The following FBXL6 variants were observed in gnomAD, a reference collection of about 807,000 sequenced individuals.
The protein encoded by FBXL6 is F-box/LRR-repeat protein 6.
A neutral mutation model predicts 53.3 loss-of-function variants in FBXL6; 50 were observed. The ratio of observed to expected loss-of-function variants is 0.94; its 90% CI spans 0.75 to 1.19. The LOEUF is 1.19. FBXL6 is among the 50% of genes most tolerant of loss of function. FBXL6 has a pLI of 0.00. For synonymous variants in FBXL6, 405 were observed against 322.9 expected, an observed-to-expected ratio of 1.25 and a Z score of -2.73; for missense variants, 815 against 719.0, an observed-to-expected ratio of 1.13 and a Z score of -1.53.
Position 144,356,221 on chromosome 8 carries a change from T to A in FBXL6, c.1226-7A>T, listed in dbSNP as rs781881506. Reference sequence around the variant, plus strand: ...AGATGAAGCTGCTCCAGCTCTGCAGTGAAAGGAGTGAGCATAAGCTACAAG... The same window carrying A: ...AGATGAAGCTGCTCCAGCTCTGCAGAGAAAGGAGTGAGCATAAGCTACAAG... On this transcript the variant is annotated splice_region_variant and splice_polypyrimidine_tract_variant and intron_variant, in intron 7 of 8. Transcript: ENST00000331890. 9 of 1,264,790 alleles carry A rather than the reference T, an allele frequency of 7.1e-6. No homozygotes were observed. The highest frequency in any genetic ancestry group is 2.6e-5 in the Admixed American group (1 of 37,764). 78.3% of individuals were successfully genotyped at this position (1,264,790 alleles called of 1,614,324 possible). A position where few individuals can be genotyped will look rare whatever the true frequency, so the allele number is the denominator to read the frequency against.
In FBXL6 at chr8:144,357,981, A is replaced by G. The variant is rs1554853329; in HGVS notation, c.416+51T>C. On this transcript the variant is annotated intron_variant, in intron 1 of 8. Transcript: ENST00000331890. The stretch of plus-strand genomic sequence containing the variant: ...CCCCGCCCGGGCCACCGCTCGGACC[A>G]CGTCTGGCCCAAGCCGCTACGCTCG... 2.6e-6 allele frequency: 4 copies of G among 1,541,026 alleles called. No homozygotes were observed. In the Admixed American group the frequency reaches 6.1e-5, roughly 24 times the overall value.
chr8:144,355,858 G>C, intron 8 of FBXL6, 110 bp downstream of exon 8: 2 of 1,552,738 alleles, frequency 1.3e-6, no homozygotes, highest in South Asian at 2.4e-5. Context: ...CAGTATGCAT[G>C]CCCCTCTGAC....
chr8:144,357,558 C>A, intron 2 of FBXL6, 56 bp from the exon 3 acceptor site: 1 of 1,612,018 alleles, frequency 6.2e-7, no homozygotes, highest in Non-Finnish European at 8.5e-7. Flanking sequence ...GTCCTTCCCA[C>A]CCAACACCTT....
intron 6 of FBXL6, 21 bp downstream of exon 6, chr8:144,356,579 G>C (rs782789666): frequency 1.2e-6 from 2 of 1,612,730 alleles, no homozygotes; most frequent in Non-Finnish European, 1.7e-6. Flanking sequence ...TGACAGGTGG[G>C]AGAGGCAGGG....
intron 1 of FBXL6, 27 bp from the exon 2 acceptor site, chr8:144,357,813 C>T (rs1554853279): frequency 1.3e-6 from 2 of 1,492,094 alleles, no homozygotes; most frequent in South Asian, 1.3e-5. Context: ...CTGAGGGTGC[C>T]GGCCCCTCCG....
At position 144,355,954 on chromosome 8, in the gene FBXL6, T is replaced by C. The variant is rs782311664; in HGVS notation, c.1472+14A>G. 3 of 1,609,442 alleles carry C rather than the reference T, an allele frequency of 1.9e-6. No individual in the cohort carries two copies. Among genetic ancestry groups the C allele is most frequent in the Non-Finnish European group, 2.5e-6 (3 of 1,177,644 alleles). On this transcript the variant is annotated intron_variant, in intron 8 of 8. Coordinates refer to ENST00000331890, the MANE Select transcript of FBXL6 (RefSeq NM_012162.4). ...GCCACACTGGCTCCAGGGACTGGGG[T>C]AGGGGATGCTGACCTGACAGTGCTT...
At position 144,358,462 on chromosome 8, in the gene FBXL6, C is replaced by T. The variant is rs183286864; in HGVS notation, c.-15G>A. The stretch of plus-strand genomic sequence containing the variant: ...GGGGCAGCCATGACCACCGACGGCG[C>T]TCGGGGAAGCCCCAGGGAGCGGAAC... On this transcript the variant is annotated 5_prime_UTR_variant, in exon 1 of 9. Coordinates refer to ENST00000331890, the MANE Select transcript of FBXL6 (RefSeq NM_012162.4). 5,218 of 1,236,728 alleles carry T rather than the reference C, an allele frequency of 4.2e-3. 104 individuals carry two copies. The African/African-American group carries it at 0.053, about 13-fold the overall frequency. 76.6% of individuals were successfully genotyped at this position (1,236,728 alleles called of 1,614,324 possible).
chr8:144,355,639 G>A lies in FBXL6; in HGVS notation c.1512C>T (p.Asn504=), dbSNP rs1011236482. 2 of 1,610,916 alleles carry A rather than the reference G, an allele frequency of 1.2e-6. No homozygotes were observed. Among genetic ancestry groups the A allele is most frequent in the African/African-American group, 1.3e-5 (1 of 74,854 alleles). Residue 504 remains asparagine, a synonymous_variant, in exon 9 of 9, where the codon AAC becomes AAT. Transcript: ENST00000331890. ...GGGGAAGGCAGCGGCAGGACTCCAGGTTGAGGTAGAGCAGGCCCGGGCAGC... is the reference window on the plus strand; with the variant it reads ...GGGGAAGGCAGCGGCAGGACTCCAGATTGAGGTAGAGCAGGCCCGGGCAGC... ...ISGCPGLLYL[N]LESCRCLPRG...
rs1554853339 is a variant in FBXL6 at position 144,358,017 on chromosome 8, CG to C, written c.416+14del. 2 of 1,582,096 alleles carry C rather than the reference CG, an allele frequency of 1.3e-6. No individual in the cohort carries two copies. Among genetic ancestry groups the C allele is most frequent in the Non-Finnish European group, 1.7e-6 (2 of 1,171,446 alleles). On this transcript the variant is annotated intron_variant, in intron 1 of 8. Transcript: ENST00000331890. ...AAGCCGCTACGCTCGGCGGCGGGCC[CG>C]GCACCAGCGTTACCTGCCCAGGAAG... is the stretch of plus-strand genomic sequence containing the variant.
chr8:144,355,917 G>A (rs782720536), intron 8 of FBXL6, 51 bp downstream of exon 8: 1 of 1,602,560 alleles, frequency 6.2e-7, no homozygotes, highest in Non-Finnish European at 8.5e-7. Context: ...GCCCCAGGCA[G>A]ACACAGTGAC....
In FBXL6 at chr8:144,356,022, G is replaced by A. The variant is rs1818388398; in HGVS notation, c.1418C>T (p.Pro473Leu). ...CCTGAGGTTAAGAGAGCACAGGGCT[G>A]GGTGTGAGCCCCCAGGGGTGCTTAA... is the stretch of plus-strand genomic sequence containing the variant. Reference protein sequence around the residue: ...AFLSTPGGSHPALCSLNLRGT... With the variant: ...AFLSTPGGSHLALCSLNLRGT... The change falls in exon 8 of 9, where the codon CCA becomes CTA. Residue 473 changes from proline to leucine, a missense_variant. Coordinates refer to ENST00000331890, the MANE Select transcript of FBXL6 (RefSeq NM_012162.4). 6.2e-7 allele frequency: 1 copy of A among 1,613,118 alleles called. No homozygotes were observed. The highest frequency in any genetic ancestry group is 1.7e-5 in the Admixed American group (1 of 60,030).
chr8:144,357,911 G>A, intron 1 of FBXL6, 121 bp downstream of exon 1: 1 of 1,441,692 alleles, frequency 6.9e-7, no homozygotes, highest in South Asian at 1.5e-5. Flanking sequence ...AAGGGGCTGC[G>A]CTCTCGGACT....
chr8:144,356,605 G>A lies in FBXL6; in HGVS notation c.988C>T (p.Leu330Phe). The change falls in exon 6 of 9, where the codon CTC becomes TTC. Residue 330 changes from leucine (L) to phenylalanine (F), a missense_variant. Transcript: ENST00000331890. The part of the protein sequence containing the change: ...VEALQKGCPQ[L>F]QVLRLLNLMW... ...AGAGGCAGGGCGCCAGGTACCTGGAGCTGAGGGCAGCCTTTCTGCAGAGCC... is the reference window on the plus strand; with the variant it reads ...AGAGGCAGGGCGCCAGGTACCTGGAACTGAGGGCAGCCTTTCTGCAGAGCC... 5 of 1,613,008 alleles carry A rather than the reference G, an allele frequency of 3.1e-6. No individual in the cohort carries two copies. Among genetic ancestry groups the A allele is most frequent in the African/African-American group, 1.3e-5 (1 of 75,042 alleles).
rs369614034 is a variant in FBXL6 at position 144,356,382 on chromosome 8, G to A, written c.1143C>T (p.His381=). The change falls in exon 7 of 9, where the codon CAC becomes CAT. Residue 381 remains histidine, a synonymous_variant. Coordinates refer to ENST00000331890, the MANE Select transcript of FBXL6 (RefSeq NM_012162.4). ...VSNEVLGRLL[H]GSPNLRLLDL... Reference sequence around the variant, plus strand: ...CCAGTAAGCGCAGGTTGGGAGAGCCGTGGAGTAGGCGGCCCAGGACCTCGT... The same window carrying A: ...CCAGTAAGCGCAGGTTGGGAGAGCCATGGAGTAGGCGGCCCAGGACCTCGT... 38 of 1,613,028 alleles carry A rather than the reference G, an allele frequency of 2.4e-5. No individual in the cohort carries two copies. The highest frequency in any genetic ancestry group is 8.0e-5 in the African/African-American group (6 of 74,950).
chr8:144,357,858 C>T, intron 1 of FBXL6, 72 bp from the exon 2 acceptor site: 3 of 1,443,702 alleles, frequency 2.1e-6, no homozygotes, highest in Non-Finnish European at 2.7e-6. Flanking sequence ...GCAGTAGACA[C>T]CCCGGCTCAA....
chr8:144,358,267 G>A lies in FBXL6; in HGVS notation c.181C>T (p.Arg61Trp). The change falls in exon 1 of 9, where the codon CGG (arginine) becomes TGG (tryptophan). Residue 61 changes from arginine (R) to tryptophan (W), a missense_variant. Transcript: ENST00000331890. Reference protein sequence around the residue: ...EPGPARPRAQRRASRRTPRQP... With the variant: ...EPGPARPRAQWRASRRTPRQP... ...CGGGGAGTGCGGCGGGAAGCGCGCC[G>A]CTGTGCGCGGGGCCGGGCGGGGCCG... The A allele has an allele frequency of 8.2e-7, 1 of 1,223,776 alleles. No homozygotes were observed. The highest frequency in any genetic ancestry group is 4.1e-5 in the South Asian group (1 of 24,456). The allele number at this position is 1,223,776 out of a possible 1,614,324, so 75.8% of individuals were successfully genotyped here. A position where few individuals can be genotyped will look rare whatever the true frequency, so the allele number is the denominator to read the frequency against.
Position 144,356,699 on chromosome 8 carries a change from G to A in FBXL6, c.894C>T (p.Pro298=). 6.2e-7 allele frequency: 1 copy of A among 1,612,348 alleles called. No homozygotes were observed. The highest frequency in any genetic ancestry group is 1.1e-5 in the South Asian group (1 of 91,078). The change falls in exon 6 of 9, where the codon CCC becomes CCT. Residue 298 remains proline, a synonymous_variant. Transcript: ENST00000331890. The part of the protein sequence containing the change: ...ILGALLGSCC[P]QLQVLEVSTG... ...TGCTCACCTCCAGGACCTGGAGCTG[G>A]GGGCAGCAGCTGCCCTGCAGAGATG... is the stretch of plus-strand genomic sequence containing the variant.
In FBXL6 at chr8:144,356,418, G is replaced by C; in HGVS notation, c.1107C>G (p.Asn369Lys). 1.2e-6 allele frequency: 2 copies of C among 1,613,096 alleles called. No homozygotes were observed. Among genetic ancestry groups the C allele is most frequent in the South Asian group, 1.1e-5 (1 of 91,092 alleles). The part of the protein sequence containing the change: ...EELCLASSTC[N>K]FVSNEVLGRL... Reference sequence around the variant, plus strand: ...GGCCCAGGACCTCGTTGCTCACAAAGTTGCAGGTTGAGCTCGCCAGGCAGA... The same window carrying C: ...GGCCCAGGACCTCGTTGCTCACAAACTTGCAGGTTGAGCTCGCCAGGCAGA... Residue 369 changes from asparagine (N) to lysine (K), a missense_variant, in exon 7 of 9, where the codon AAC becomes AAG. Coordinates refer to ENST00000331890, the MANE Select transcript of FBXL6 (RefSeq NM_012162.4).
chr8:144,356,633 G>C lies in FBXL6; in HGVS notation c.960C>G (p.Val320=). The C allele has an allele frequency of 1.9e-6, 3 of 1,613,028 alleles. No individual in the cohort carries two copies. The highest frequency in any genetic ancestry group is 2.5e-6 in the Non-Finnish European group (3 of 1,179,976). ...GAGGGCAGCCTTTCTGCAGAGCCTC[G>C]ACAGGCAGCTGAAGGGGAATGCTAT... The part of the protein sequence containing the change: ...NRNSIPLQLP[V]EALQKGCPQL... The change falls in exon 6 of 9, where the codon GTC becomes GTG. Residue 320 remains valine (V), a synonymous_variant. Transcript: ENST00000331890.
Sources: allele counts gnomAD v4.1 joint callset, GRCh38; gene constraint gnomAD v4.1.1; transcripts MANE v1.5; gene names NCBI Gene and HGNC (gene_info 2026-07-23, HGNC 2026-07-21).